The following TGFBR1 variants were observed in gnomAD, a reference collection of about 807,000 sequenced individuals.
TGFBR1 encodes the protein transforming growth factor beta receptor 1.
In TGFBR1, 20 loss-of-function variants were observed where a neutral mutation model predicts 55.1. The observed-to-expected ratio is 0.36, with a 90% CI of 0.26 to 0.53. TGFBR1 has a LOEUF of 0.53. Among genes scored for constraint, TGFBR1 ranks in the 20% least tolerant of loss-of-function variants. The pLI, the probability that TGFBR1 is intolerant of heterozygous loss-of-function variation, is 0.91. For missense variants in TGFBR1, 385 were observed against 617.6 expected, an observed-to-expected ratio of 0.62 and a Z score of 3.99; for synonymous variants, 220 against 214.8, an observed-to-expected ratio of 1.02 and a Z score of -0.21.
chr9:99,149,381 T>C lies in TGFBR1; in HGVS notation c.*76T>C. 6.3e-7 allele frequency: 1 copy of C among 1,575,676 alleles called. No homozygotes were observed. The highest frequency in any genetic ancestry group is 1.1e-5 in the South Asian group (1 of 89,968). ...TTTTAATTTGGGAGGTCAATTGTTC[T>C]ACCTCACTGAGAGGGAACAGAAGGA... On this transcript the variant is annotated 3_prime_UTR_variant, in exon 9 of 9. Transcript: ENST00000374994.
chr9:99,115,315 C>G (rs1159150137), intron 1 of TGFBR1, among the ~76,000 whole-genome samples: 1 of 151,878 alleles, frequency 6.6e-6, no homozygotes, highest in African/African-American at 2.4e-5. Context: ...TCTAGATTTC[C>G]TAGGTGTAAA....
chr9:99,128,954 T>G lies in TGFBR1; in HGVS notation c.197T>G (p.Ile66Arg), dbSNP rs904783520. 1 of 1,614,046 alleles carries G rather than the reference T, an allele frequency of 6.2e-7. No individual in the cohort carries two copies. The highest frequency in any genetic ancestry group is 8.5e-7 in the Non-Finnish European group (1 of 1,179,966). Residue 66 changes from isoleucine to arginine, a missense_variant, in exon 2 of 9, where the codon ATA (isoleucine) becomes AGA (arginine). By Grantham distance (97) the Ile-to-Arg change is moderately conservative. Around this residue, in one of 5 missense-constraint regions of TGFBR1, gnomAD observed 146 missense variants for 167.7 expected, o/e 0.87. Transcript: ENST00000374994. Reference protein sequence around the residue: ...VSVTETTDKVIHNSMCIAEID... With the variant: ...VSVTETTDKVRHNSMCIAEID... ...GTCACAGAGACCACAGACAAAGTTA[T>G]ACACAACAGCATGTGTATAGCTGAA... is the stretch of plus-strand genomic sequence containing the variant.
chr9:99,124,560 TAATAAAATA>T (rs925416653), intron 1 of TGFBR1, among the ~76,000 whole-genome samples: 2 of 152,126 alleles, frequency 1.3e-5, no homozygotes, highest in Non-Finnish European at 2.9e-5. Flanking sequence ...ATCTATCTAT[TAATAAAATA>T]AATTTGAATT....
At chr9:99,136,625 A>G (rs1453111246) in intron 3 of TGFBR1, among the ~76,000 whole-genome samples, 2 of 152,196 alleles carry the variant, frequency 1.3e-5, no homozygotes, top group East Asian at 1.9e-4. Context: ...ACAGTTATTT[A>G]TAGTTATACT....
At chr9:99,134,585 T>C (rs1827361360) in intron 3 of TGFBR1, among the ~76,000 whole-genome samples, 1 of 151,912 alleles carries the variant, frequency 6.6e-6, no homozygotes, top group Non-Finnish European at 1.5e-5. Context: ...TCAGGATGGC[T>C]ACAGATATTT....
chr9:99,149,218 G>A lies in TGFBR1; in HGVS notation c.1425G>A (p.Trp475Ter), dbSNP rs767589799. The part of the protein sequence containing the change: ...RVMAKIMREC[W>*]YANGAARLTA... ...TGGCTAAAATTATGAGAGAATGTTG[G>A]TATGCCAATGGAGCAGCTAGGCTTA... The change falls in exon 9 of 9, where the codon TGG becomes TGA. Residue 475 changes from tryptophan to a stop codon, truncating the protein, a stop_gained. Coordinates refer to ENST00000374994, the MANE Select transcript of TGFBR1 (RefSeq NM_004612.4). LOFTEE classifies it high-confidence loss of function. 6.2e-7 allele frequency: 1 copy of A among 1,613,412 alleles called. No individual in the cohort carries two copies. The highest frequency in any genetic ancestry group is 8.5e-7 in the Non-Finnish European group (1 of 1,179,682).
chr9:99,119,430 T>A (rs1826838753), intron 1 of TGFBR1, among the ~76,000 whole-genome samples: 1 of 152,170 alleles, frequency 6.6e-6, no homozygotes, highest in Non-Finnish European at 1.5e-5. Flanking sequence ...AAGGTTGAAA[T>A]TTTCGGTTTT....
chr9:99,147,866 A>G (rs1827850125), intron 8 of TGFBR1, 82 bp downstream of exon 8: 5 of 1,544,216 alleles, frequency 3.2e-6, no homozygotes, highest in Non-Finnish European at 4.4e-6. Flanking sequence ...TTCTTTAAGG[A>G]AAACTTTTCT....
intron 4 of TGFBR1, 106 bp downstream of exon 4, chr9:99,138,195 C>CA: frequency 1.7e-5 from 17 of 994,382 alleles, no homozygotes; most frequent in Non-Finnish European, 2.7e-5. Flanking sequence ...ATAGATGTCT[C>CA]TCATGTAGAT....
chr9:99,110,231 T>C (rs772653222), intron 1 of TGFBR1, among the ~76,000 whole-genome samples: 6 of 151,910 alleles, frequency 3.9e-5, no homozygotes, highest in Non-Finnish European at 8.8e-5. Flanking sequence ...CAATTTCTAA[T>C]CTAACTTAAA....
chr9:99,151,386 GT>G lies in TGFBR1; in HGVS notation c.*2091del, dbSNP rs879166510. On this transcript the variant is annotated 3_prime_UTR_variant, in exon 9 of 9. Transcript: ENST00000374994. ...GTGATCAGGTACTTTTTTTGTGGGG[GT>G]TTTTTTTTTGTTTTTTTTTTTTTGT... 1.0e-3 allele frequency: 198 copies of G among 193,862 alleles called. No homozygotes were observed. The highest frequency in any genetic ancestry group is 1.6e-3 in the East Asian group (21 of 13,066). 12.0% of individuals were successfully genotyped at this position (193,862 alleles called of 1,614,324 possible). A position where few individuals can be genotyped will look rare whatever the true frequency, so the allele number is the denominator to read the frequency against.
chr9:99,110,691 T>G (rs1364535069), intron 1 of TGFBR1, among the ~76,000 whole-genome samples: 1 of 152,256 alleles, frequency 6.6e-6, no homozygotes, highest in East Asian at 1.9e-4. Flanking sequence ...GAGACTCAAA[T>G]GATTTTGTAT....
chr9:99,136,723 C>CT (rs1275343912), intron 3 of TGFBR1, among the ~76,000 whole-genome samples: 2 of 151,860 alleles, frequency 1.3e-5, no homozygotes, highest in East Asian at 3.9e-4. Flanking sequence ...CTTCTGATCG[C>CT]TTTAAAGATT....
chr9:99,110,086 A>C (rs1826519377), intron 1 of TGFBR1, among the ~76,000 whole-genome samples: 1 of 152,200 alleles, frequency 6.6e-6, no homozygotes, highest in African/African-American at 2.4e-5. Flanking sequence ...ATCATGAAGA[A>C]AATTGGTTGG....
At position 99,153,189 on chromosome 9, in the gene TGFBR1, A is replaced by G. The variant is rs1415442926; in HGVS notation, c.*3884A>G. ...AAATTACCTCTCAAGAGACCAAGGTACATTTACCTCATTGTGTATATAATG... is the reference window on the plus strand; with the variant it reads ...AAATTACCTCTCAAGAGACCAAGGTGCATTTACCTCATTGTGTATATAATG... On this transcript the variant is annotated 3_prime_UTR_variant, in exon 9 of 9. Coordinates refer to ENST00000374994, the MANE Select transcript of TGFBR1 (RefSeq NM_004612.4). 4.4e-6 allele frequency: 1 copy of G among 225,138 alleles called. No individual in the cohort carries two copies. Among genetic ancestry groups the G allele is most frequent in the East Asian group, 6.4e-5 (1 of 15,536 alleles). 13.9% of individuals were successfully genotyped at this position (225,138 alleles called of 1,614,324 possible). A position where few individuals can be genotyped will look rare whatever the true frequency, so the allele number is the denominator to read the frequency against.
intron 1 of TGFBR1, among the ~76,000 whole-genome samples, chr9:99,116,973 G>A (rs957058495): frequency 6.6e-6 from 1 of 152,134 alleles, no homozygotes; most frequent in Non-Finnish European, 1.5e-5. Flanking sequence ...TAATACAAAA[G>A]CTCCTTCCTT....
At chr9:99,127,667 C>T (rs1827078729) in intron 1 of TGFBR1, 1 of 323,308 alleles carries the variant, frequency 3.1e-6, no homozygotes, top group Non-Finnish European at 6.0e-6. Context: ...TCTATCCTGC[C>T]CCTGTCTGCC....
In TGFBR1 at chr9:99,128,849, T is replaced by C. The variant is rs749295577; in HGVS notation, c.98-6T>C. On this transcript the variant is annotated splice_region_variant and splice_polypyrimidine_tract_variant and intron_variant, in intron 1 of 8. Transcript: ENST00000374994. ...ATTTTTTCTAAGAATCTTTCTCTTT[T>C]TCCAGCGTTACAGTGTTTCTGCCAC... 1.9e-6 allele frequency: 3 copies of C among 1,613,564 alleles called. No homozygotes were observed. Among genetic ancestry groups the C allele is most frequent in the Admixed American group, 3.3e-5 (2 of 59,972 alleles).
intron 1 of TGFBR1, among the ~76,000 whole-genome samples, chr9:99,107,058 G>C (rs1301699716): frequency 1.3e-5 from 2 of 152,224 alleles, no homozygotes; most frequent in Non-Finnish European, 2.9e-5. Flanking sequence ...AAGCGTTCAT[G>C]TATTCAAGTA....
Sources: allele counts gnomAD v4.1 joint callset (sites outside exome capture counted in the v4.1 genomes callset), GRCh38; gene constraint gnomAD v4.1.1; regional missense constraint gnomAD v4.1.1; transcripts MANE v1.5; gene names NCBI Gene and HGNC (gene_info 2026-07-23, HGNC 2026-07-21).